The following DENND2A variants were observed in gnomAD, a reference collection of about 807,000 sequenced individuals.
DENND2A encodes DENN domain containing 2A.
Under a neutral mutation model 105.3 loss-of-function variants are expected in DENND2A, and 53 were observed. The ratio of observed to expected loss-of-function variants is 0.50; its 90% confidence interval spans 0.40 to 0.63. The LOEUF is 0.63. Among genes scored for constraint, DENND2A ranks in the 30% least tolerant of loss-of-function variants. The probability of loss-of-function intolerance (pLI) is 0.00; values close to 1 mark genes in which losing one functional copy is unlikely to be tolerated. For missense variants in DENND2A, 1,138 were observed against 1,279.6 expected (o/e 0.89, Z 1.69); for synonymous variants, 522 against 508.4 (o/e 1.03, Z -0.36).
intron 1 of DENND2A, among the ~76,000 whole-genome samples, chr7:140,633,216 G>C (rs962019753): frequency 1.3e-5 from 2 of 152,048 alleles, no homozygotes; most frequent in African/African-American, 4.8e-5. Flanking sequence ...TTTTAGTAGA[G>C]ATGGGGTTTC....
At chr7:140,573,444 C>T (rs1026207492) in intron 6 of DENND2A, among the ~76,000 whole-genome samples, 1 of 152,212 alleles carries the variant, frequency 6.6e-6, no homozygotes, top group South Asian at 2.1e-4. Context: ...CAGACTGGGA[C>T]CTGCCTCTGC....
At chr7:140,627,938 T>G (rs1255615924) in intron 1 of DENND2A, among the ~76,000 whole-genome samples, 2 of 151,944 alleles carry the variant, frequency 1.3e-5, no homozygotes, top group African/African-American at 2.4e-5. Context: ...ACTACAGGCG[T>G]GTACCACCAT....
At chr7:140,628,940 T>C (rs1169528020) in intron 1 of DENND2A, among the ~76,000 whole-genome samples, 3 of 152,202 alleles carry the variant, frequency 2.0e-5, no homozygotes, top group East Asian at 3.9e-4. Flanking sequence ...TGAGGTGCTA[T>C]TGGGAATACA....
At chr7:140,580,088 A>G (rs1314823473) in intron 5 of DENND2A, among the ~76,000 whole-genome samples, 2 of 152,172 alleles carry the variant, frequency 1.3e-5, no homozygotes, top group African/African-American at 4.8e-5. Flanking sequence ...AGCCTGGGCA[A>G]CAAGAGGGAA....
intron 14 of DENND2A, among the ~76,000 whole-genome samples, chr7:140,540,211 G>T (rs898782762): frequency 6.6e-6 from 1 of 151,776 alleles, no homozygotes; most frequent in Non-Finnish European, 1.5e-5. Flanking sequence ...AATTATCCAC[G>T]TTCCTGCTGC....
chr7:140,577,450 T>C (rs1432114579), intron 5 of DENND2A, among the ~76,000 whole-genome samples: 4 of 150,886 alleles, frequency 2.7e-5, no homozygotes, highest in Non-Finnish European at 5.9e-5. Context: ...CAGGCTGGAG[T>C]GCAGTGGCAC....
At chr7:140,577,310 T>G (rs1225900356) in intron 5 of DENND2A, among the ~76,000 whole-genome samples, 1 of 152,052 alleles carries the variant, frequency 6.6e-6, no homozygotes, top group Non-Finnish European at 1.5e-5. Flanking sequence ...ATGGAAGAGA[T>G]GATACAGCAA....
At chr7:140,542,488 C>T (rs781241802) in intron 14 of DENND2A, among the ~76,000 whole-genome samples, 8 of 151,952 alleles carry the variant, frequency 5.3e-5, no homozygotes, top group Non-Finnish European at 7.4e-5. Context: ...CCACCACTGC[C>T]GGCTCATCTC....
chr7:140,592,949 T>C (rs1248068274), intron 3 of DENND2A, among the ~76,000 whole-genome samples: 2 of 152,112 alleles, frequency 1.3e-5, no homozygotes, highest in African/African-American at 4.8e-5. Flanking sequence ...GGGACATCAG[T>C]CCTCCCCTTC....
At chr7:140,552,122 T>C (rs994669978) in intron 12 of DENND2A, among the ~76,000 whole-genome samples, 1 of 152,196 alleles carries the variant, frequency 6.6e-6, no homozygotes, top group African/African-American at 2.4e-5. Flanking sequence ...CTATGACCTA[T>C]AACCTTACTT....
rs1438426073 is a variant in DENND2A at position 140,546,947 on chromosome 7, G to A, written c.2038-8C>T. On this transcript the variant is annotated splice_polypyrimidine_tract_variant and splice_region_variant and intron_variant, in intron 12 of 19. Transcript: ENST00000496613. ...TTCCACCTCATCCAAGATCTGCAAG[G>A]GTCAGAAAAGCAGCTTAGCTATTCC... The A allele has an allele frequency of 1.2e-6, 2 of 1,610,600 alleles. No individual in the cohort carries two copies. Among genetic ancestry groups the A allele is most frequent in the Non-Finnish European group, 1.7e-6 (2 of 1,177,406 alleles).
intron 12 of DENND2A, among the ~76,000 whole-genome samples, chr7:140,551,198 G>A (rs1797122093): frequency 1.3e-5 from 2 of 151,104 alleles, no homozygotes; most frequent in South Asian, 4.2e-4. Flanking sequence ...CTACTCGGGA[G>A]GCTGGGAAGG....
At chr7:140,608,167 G>A (rs886196072) in intron 1 of DENND2A, among the ~76,000 whole-genome samples, 1 of 152,176 alleles carries the variant, frequency 6.6e-6, no homozygotes, top group Non-Finnish European at 1.5e-5. Flanking sequence ...CCATCAGGGA[G>A]TAATAACTTC....
intron 1 of DENND2A, among the ~76,000 whole-genome samples, chr7:140,613,101 C>T (rs1388034642): frequency 4.7e-5 from 7 of 149,476 alleles, no homozygotes; most frequent in Non-Finnish European, 1.0e-4. Context: ...GCAACAAGAG[C>T]GAAACTCTGT....
At chr7:140,627,015 A>G in intron 1 of DENND2A, among the ~76,000 whole-genome samples, 1 of 152,176 alleles carries the variant, frequency 6.6e-6, no homozygotes, top group East Asian at 1.9e-4. Context: ...AATGGTGATA[A>G]TGGTAGCACT....
chr7:140,519,939 G>C (rs756204125), intron 18 of DENND2A, among the ~76,000 whole-genome samples: 5 of 152,128 alleles, frequency 3.3e-5, no homozygotes, highest in African/African-American at 7.2e-5. Flanking sequence ...CCACCTCATA[G>C]ATGAAATCCT....
At position 140,548,723 on chromosome 7, in the gene DENND2A, C is replaced by A. The variant is rs1338839322; in HGVS notation, c.2038-1784G>T. On this transcript the variant is annotated intron_variant, in intron 12 of 19. Transcript: ENST00000496613. Reference sequence around the variant, plus strand: ...CTGCCTCCTGGGTTCAAGCAATTCTCCTGCCTCAGCCTCCCGAGTAGCTGG... The same window carrying A: ...CTGCCTCCTGGGTTCAAGCAATTCTACTGCCTCAGCCTCCCGAGTAGCTGG... 2.0e-5 allele frequency among the ~76,000 whole-genome samples: 3 copies of A among 151,294 alleles called. No homozygotes were observed. The East Asian group carries it at 6.2e-4, about 31-fold the overall frequency.
At chr7:140,535,779 A>G (rs1183618029) in intron 14 of DENND2A, among the ~76,000 whole-genome samples, 1 of 151,858 alleles carries the variant, frequency 6.6e-6, no homozygotes, top group South Asian at 2.1e-4. Context: ...ATGTGGTTTC[A>G]CCATGTTGGT....
intron 19 of DENND2A, 98 bp downstream of exon 19, chr7:140,519,534 T>C: frequency 4.8e-6 from 5 of 1,039,526 alleles, no homozygotes; most frequent in Non-Finnish European, 7.4e-6. Context: ...AGCTCTGCAT[T>C]ATTCAGGGCG....
Sources: gnomAD v4.1 joint callset for allele counts (sites outside exome capture counted in the v4.1 genomes callset) on GRCh38, gnomAD v4.1.1 for gene constraint, MANE v1.5 for transcripts, NCBI Gene and HGNC (gene_info 2026-07-23, HGNC 2026-07-21) for gene names.